IGF2R: variants seen among roughly 807,000 people sequenced by gnomAD.
The protein encoded by IGF2R is insulin like growth factor 2 receptor.
In IGF2R, 91 loss-of-function variants were observed where a neutral mutation model predicts 270.6. That is an observed-to-expected ratio of 0.34 (90% CI 0.28 to 0.40). The LOEUF is 0.40. Ranked by LOEUF, IGF2R falls within the 10% of genes least tolerant of loss-of-function variation. The pLI, the probability that IGF2R is intolerant of heterozygous loss-of-function variation, is 1.00. For missense variants in IGF2R, 2,805 were observed against 3,188.3 expected (o/e 0.88, Z 2.90); for synonymous variants, 1,316 against 1,258.9 (o/e 1.05, Z -0.96).
At chr6:160,063,330 C>T in intron 26 of IGF2R, 85 bp from the exon 27 acceptor site, 3 of 1,085,434 alleles carry the variant, frequency 2.8e-6, no homozygotes, top group Non-Finnish European at 4.2e-6. Context: ...AGCCACTGCG[C>T]CCGGCCATTT....
rs145649801 is a variant in IGF2R at position 160,019,619 on chromosome 6, C to T, written c.514-4953C>T. On this transcript the variant is annotated intron_variant, in intron 4 of 47. Transcript: ENST00000356956. ...AGCACTTCAGAAAAATAATACATCA[C>T]GATCAAGTGGGTTTTATTCCAGGGT... Among the ~76,000 whole-genome samples the T allele has an allele frequency of 4.2e-3, 640 of 152,178 alleles. 4 individuals carry two copies. Among genetic ancestry groups the T allele is most frequent in the African/African-American group, 0.015 (605 of 41,520 alleles).
At position 160,028,256 on chromosome 6, in the gene IGF2R, G is replaced by A. The variant is rs951232349; in HGVS notation, c.776+942G>A. Among the ~76,000 whole-genome samples, 7 of 152,274 alleles carry A rather than the reference G, an allele frequency of 4.6e-5. No homozygotes were observed. In the South Asian group the frequency reaches 6.2e-4, roughly 14 times the overall value. ...TGTCTTCACGTGGCCTTCCCTCTGC[G>A]GGGGTCTGTGTCCGAATCTCCTCTT... On this transcript the variant is annotated intron_variant, in intron 6 of 47. Coordinates refer to ENST00000356956, the MANE Select transcript of IGF2R (RefSeq NM_000876.4).
intron 2 of IGF2R, among the ~76,000 whole-genome samples, chr6:160,002,927 G>A (rs1287924727): frequency 6.6e-6 from 1 of 152,020 alleles, no homozygotes; most frequent in Non-Finnish European, 1.5e-5. Flanking sequence ...AATCTTCTGA[G>A]GATTACAGCT....
chr6:160,080,093 C>T (rs1778944598), intron 38 of IGF2R, 36 bp from the exon 39 acceptor site: 4 of 1,608,158 alleles, frequency 2.5e-6, no homozygotes, highest in Non-Finnish European at 3.4e-6. Context: ...TGGCGAGGCA[C>T]AGCTGCCACA....
At chr6:160,038,797 AC>A (rs144544836) in intron 10 of IGF2R, among the ~76,000 whole-genome samples, 221 of 152,078 alleles carry the variant, frequency 1.5e-3, no homozygotes, top group African/African-American at 5.0e-3. Flanking sequence ...ACCAAACCAA[AC>A]CAGCCAACCA....
At position 160,088,056 on chromosome 6, in the gene IGF2R, T is replaced by G; in HGVS notation, c.6229T>G (p.Ser2077Ala). 6.2e-7 allele frequency: 1 copy of G among 1,612,744 alleles called. No homozygotes were observed. Among genetic ancestry groups the G allele is most frequent in the Non-Finnish European group, 8.5e-7 (1 of 1,178,670 alleles). The change falls in exon 42 of 48, where the codon TCC (serine) becomes GCC (alanine). Residue 2077 changes from serine (S) to alanine (A), a missense_variant. Ser to Ala is a moderately conservative substitution (Grantham distance 99, BLOSUM62 1). Coordinates refer to ENST00000356956, the MANE Select transcript of IGF2R (RefSeq NM_000876.4). ...VIGDKVVVTY[S>A]KGYPCGGNKT... ...AGGTGACAAAGTTGTTGTCACGTAC[T>G]CCAAAGGTTATCCGTGTGGTGGAAA...
At chr6:160,054,755 T>C (rs2115255744) in intron 19 of IGF2R, among the ~76,000 whole-genome samples, 1 of 152,278 alleles carries the variant, frequency 6.6e-6, no homozygotes, top group Admixed American at 6.5e-5. Flanking sequence ...TAGTTTTAGG[T>C]TTATACCAGG....
At chr6:159,969,899 C>A (rs116227660) in intron 1 of IGF2R, among the ~76,000 whole-genome samples, 3,287 of 152,184 alleles carry the variant, frequency 0.022, 115 homozygotes, top group African/African-American at 0.076. Flanking sequence ...GTTTCATTTG[C>A]TGATTGATTT....
Position 159,969,310 on chromosome 6 carries a change from T to C in IGF2R, c.64T>C (p.Ser22Pro). The C allele has an allele frequency of 1.6e-6, 2 of 1,278,502 alleles. No homozygotes were observed. The highest frequency in any genetic ancestry group is 2.0e-6 in the Non-Finnish European group (2 of 1,009,232). 79.2% of individuals were successfully genotyped at this position (1,278,502 alleles called of 1,614,324 possible). A position where few individuals can be genotyped will look rare whatever the true frequency, so the allele number is the denominator to read the frequency against. ...CGCGCCCGCCCGCCGCCCGCAGCGC[T>C]CTCTGCTCCTGCTGCAGCTGCTGCT... ...GPAPARRPQR[S>P]LLLLQLLLLV... The change falls in exon 1 of 48, where the codon TCT (serine) becomes CCT (proline). Residue 22 changes from serine to proline, a missense_variant. Coordinates refer to ENST00000356956, the MANE Select transcript of IGF2R (RefSeq NM_000876.4).
At chr6:159,980,226 A>AGAAAGAAAGAAAGGAAG (rs1554234664) in intron 1 of IGF2R, among the ~76,000 whole-genome samples, 1 of 120,540 alleles carries the variant, frequency 8.3e-6, no homozygotes, top group Admixed American at 8.7e-5. Flanking sequence ...AAAGAAAGAA[A>AGAAAGAAAGAAAGGAAG]GAAAGAAAGA....
At chr6:160,006,358 C>G (rs1297260302) in intron 2 of IGF2R, 1 of 152,986 alleles carries the variant, frequency 6.5e-6, no homozygotes, top group Non-Finnish European at 1.5e-5. Flanking sequence ...GAGCCCACCC[C>G]CGCCCCTGCT....
chr6:160,092,086 C>T (rs1030987649), intron 44 of IGF2R, among the ~76,000 whole-genome samples: 3 of 148,396 alleles, frequency 2.0e-5, no homozygotes, highest in Non-Finnish European at 4.5e-5. Context: ...GGTGACACCG[C>T]TGGTGTGTCT....
At chr6:159,975,684 T>TTA (rs34536101) in intron 1 of IGF2R, among the ~76,000 whole-genome samples, 31,045 of 141,512 alleles carry the variant, frequency 0.22, 3,861 homozygotes, top group East Asian at 0.52. Context: ...TTATATATAT[T>TTA]TATATATATA....
At position 160,105,198 on chromosome 6, in the gene IGF2R, A is replaced by G. The variant is rs1334490243; in HGVS notation, c.*114A>G. 1 of 926,878 alleles carries G rather than the reference A, an allele frequency of 1.1e-6. No individual in the cohort carries two copies. Among genetic ancestry groups the G allele is most frequent in the Non-Finnish European group, 1.6e-6 (1 of 626,186 alleles). 57.4% of individuals were successfully genotyped at this position (926,878 alleles called of 1,614,324 possible). The stretch of plus-strand genomic sequence containing the variant: ...ATTTTGCCTTTAACAGAAACTTTCA[A>G]AAGGGAAGAGTTTTTGTGATGGGGG... On this transcript the variant is annotated 3_prime_UTR_variant, in exon 48 of 48. Transcript: ENST00000356956.
chr6:159,995,889 A>T (rs908323152), intron 2 of IGF2R, among the ~76,000 whole-genome samples: 1 of 131,912 alleles, frequency 7.6e-6, no homozygotes, highest in Admixed American at 7.8e-5. Context: ...GGGATGTTGC[A>T]GCGCTCTTTT....
intron 1 of IGF2R, among the ~76,000 whole-genome samples, chr6:159,974,052 TG>T (rs1783652198): frequency 6.6e-6 from 1 of 152,184 alleles, no homozygotes; most frequent in African/African-American, 2.4e-5. Context: ...AGCAGCTGTT[TG>T]ACTTCATGGG....
chr6:160,057,540 C>T (rs1000735159), intron 20 of IGF2R, among the ~76,000 whole-genome samples: 1 of 152,174 alleles, frequency 6.6e-6, no homozygotes, highest in East Asian at 1.9e-4. Context: ...GCCACCGTCT[C>T]CTTCCCTGCA....
chr6:160,025,099 G>A (rs961798546), intron 5 of IGF2R, among the ~76,000 whole-genome samples: 2 of 152,192 alleles, frequency 1.3e-5, no homozygotes, highest in Admixed American at 6.5e-5. Flanking sequence ...TGGTCGGGAT[G>A]CATATTTGGC....
Position 160,084,226 on chromosome 6 carries a change from C to G in IGF2R, c.6068+42C>G. On this transcript the variant is annotated intron_variant, in intron 40 of 47. Transcript: ENST00000356956. This position sits in a 1 kb window ranked among gnomAD's most constrained non-coding sequence, Gnocchi z 4.6. ...TCCACCCGCGGCGCCACACCCTCAGCATGTGAACTTCAGACTGCTTGACGA... is the reference window on the plus strand; with the variant it reads ...TCCACCCGCGGCGCCACACCCTCAGGATGTGAACTTCAGACTGCTTGACGA... 8.3e-7 allele frequency: 1 copy of G among 1,204,666 alleles called. No homozygotes were observed. The highest frequency in any genetic ancestry group is 1.2e-5 in the South Asian group (1 of 81,574). 74.6% of individuals were successfully genotyped at this position (1,204,666 alleles called of 1,614,324 possible).
Sources: allele counts gnomAD v4.1 joint callset (sites outside exome capture counted in the v4.1 genomes callset), GRCh38; gene constraint gnomAD v4.1.1; non-coding constraint Gnocchi (gnomAD v3.1); transcripts MANE v1.5; gene names NCBI Gene and HGNC (gene_info 2026-07-23, HGNC 2026-07-21).